PPP3CC: variants seen among roughly 807,000 people sequenced by gnomAD.
The protein encoded by PPP3CC is serine/threonine-protein phosphatase 2B catalytic subunit gamma isoform.
A neutral mutation model predicts 60.3 loss-of-function variants in PPP3CC; 35 were observed. The observed-to-expected ratio is 0.58, with a 90% CI of 0.44 to 0.77. PPP3CC has a LOEUF of 0.77. PPP3CC is among the 30% of genes least tolerant of loss of function. The pLI is 0.00. For synonymous variants in PPP3CC, 206 were observed against 224.3 expected (o/e 0.92, Z 0.73); for missense variants, 570 against 628.9 (o/e 0.91, Z 1.00).
intron 1 of PPP3CC, among the ~76,000 whole-genome samples, chr8:22,459,522 T>G (rs1837305840): frequency 6.6e-6 from 1 of 152,074 alleles, no homozygotes; most frequent in Non-Finnish European, 1.5e-5. Context: ...TTGTGTAAAA[T>G]ACTTTCATTT....
intron 1 of PPP3CC, among the ~76,000 whole-genome samples, chr8:22,456,121 CTATT>C (rs1181877280): frequency 1.3e-5 from 2 of 152,162 alleles, no homozygotes; most frequent in Non-Finnish European, 2.9e-5. Flanking sequence ...ACAGACATAG[CTATT>C]TAGGCAAATC....
At chr8:22,512,793 C>G (rs1839125088) in intron 5 of PPP3CC, among the ~76,000 whole-genome samples, 1 of 152,098 alleles carries the variant, frequency 6.6e-6, no homozygotes, top group Non-Finnish European at 1.5e-5. Flanking sequence ...AAATTTATTG[C>G]AGACCGGGCG....
intron 13 of PPP3CC, among the ~76,000 whole-genome samples, chr8:22,539,884 G>A (rs888729344): frequency 2.0e-5 from 3 of 152,230 alleles, no homozygotes; most frequent in Non-Finnish European, 4.4e-5. Context: ...TTCAAGAGCA[G>A]AGGCAGAAGT....
chr8:22,536,772 G>T (rs1839852997), intron 12 of PPP3CC, among the ~76,000 whole-genome samples: 1 of 152,144 alleles, frequency 6.6e-6, no homozygotes, highest in Non-Finnish European at 1.5e-5. Flanking sequence ...AACTAAAAAA[G>T]ACCTTTTATT....
intron 1 of PPP3CC, among the ~76,000 whole-genome samples, chr8:22,461,308 C>T (rs1006601988): frequency 1.3e-5 from 2 of 152,042 alleles, no homozygotes; most frequent in African/African-American, 4.8e-5. Flanking sequence ...CTAATTACCA[C>T]CCCTAACTGC....
chr8:22,461,913 A>C (rs1281729242), intron 1 of PPP3CC, among the ~76,000 whole-genome samples: 1 of 152,184 alleles, frequency 6.6e-6, no homozygotes, highest in Non-Finnish European at 1.5e-5. Flanking sequence ...TGGTACTAGA[A>C]CATACGGGTA....
chr8:22,507,590 G>C (rs934815218), intron 4 of PPP3CC, among the ~76,000 whole-genome samples: 17 of 152,172 alleles, frequency 1.1e-4, no homozygotes, highest in African/African-American at 4.1e-4. Flanking sequence ...GTTTTTAAAT[G>C]AAGACAGTAA....
intron 6 of PPP3CC, among the ~76,000 whole-genome samples, chr8:22,514,248 C>CAA (rs66505760): frequency 2.1e-3 from 191 of 89,304 alleles, no homozygotes; most frequent in African/African-American, 7.2e-3. Flanking sequence ...ACTCTGTCTC[C>CAA]AAAAAAAAAA....
At chr8:22,519,231 T>C (rs997928740) in intron 6 of PPP3CC, among the ~76,000 whole-genome samples, 1 of 152,242 alleles carries the variant, frequency 6.6e-6, no homozygotes, top group Admixed American at 6.5e-5. Flanking sequence ...TTGCATGGAA[T>C]ACCTTTCTCT....
chr8:22,450,064 T>C (rs1486996266), intron 1 of PPP3CC, among the ~76,000 whole-genome samples: 1 of 151,666 alleles, frequency 6.6e-6, no homozygotes, highest in Non-Finnish European at 1.5e-5. Context: ...AGAGAAGGGG[T>C]TTCACCATGT....
Position 22,532,236 on chromosome 8 carries a change from G to A in PPP3CC, c.1153G>A (p.Val385Ile), listed in dbSNP as rs142649874. The change falls in exon 11 of 14, where the codon GTT becomes ATT. Residue 385 changes from valine (V) to isoleucine (I), a missense_variant. By Grantham distance (29) the Val-to-Ile change is conservative (BLOSUM62 3). Transcript: ENST00000240139. Reference protein sequence around the residue: ...SDDEAEGSTTVRKEIIRNKIR... With the variant: ...SDDEAEGSTTIRKEIIRNKIR... ...TTGTATTCTCTAAGGAAGCACTACA[G>A]TTCGTAAGGAGATCATCAGGAATAA... The A allele has an allele frequency of 8.3e-4, 1,338 of 1,611,686 alleles. 10 individuals carry two copies. In the African/African-American group the frequency reaches 0.015, roughly 19 times the overall value.
intron 1 of PPP3CC, among the ~76,000 whole-genome samples, chr8:22,448,313 A>G (rs1385692227): frequency 1.3e-5 from 2 of 152,122 alleles, no homozygotes; most frequent in African/African-American, 4.8e-5. Context: ...ACCATAGAGG[A>G]CATTTTGGGG....
chr8:22,526,436 C>G (rs1434004241), intron 8 of PPP3CC, among the ~76,000 whole-genome samples: 1 of 152,108 alleles, frequency 6.6e-6, no homozygotes, highest in East Asian at 1.9e-4. Flanking sequence ...GGAACATGTA[C>G]ATCATAGCCA....
At chr8:22,473,711 A>C (rs937483898) in intron 1 of PPP3CC, among the ~76,000 whole-genome samples, 3 of 151,764 alleles carry the variant, frequency 2.0e-5, no homozygotes, top group Non-Finnish European at 4.4e-5. Context: ...TGATCCACCT[A>C]CCTTGGCCTC....
chr8:22,449,174 C>T (rs1365532537), intron 1 of PPP3CC, among the ~76,000 whole-genome samples: 5 of 152,154 alleles, frequency 3.3e-5, no homozygotes, highest in Admixed American at 1.3e-4. Flanking sequence ...CTTGGCTGGG[C>T]GCAGTGGCTC....
intron 4 of PPP3CC, among the ~76,000 whole-genome samples, chr8:22,502,307 C>A (rs1838784615): frequency 6.6e-6 from 1 of 152,038 alleles, no homozygotes; most frequent in Non-Finnish European, 1.5e-5. Flanking sequence ...ACAACAACAA[C>A]AAAAAGGTAA....
At chr8:22,477,326 A>T (rs141231890) in intron 3 of PPP3CC, among the ~76,000 whole-genome samples, 1 of 151,994 alleles carries the variant, frequency 6.6e-6, no homozygotes, top group East Asian at 1.9e-4. Context: ...AAAATACGAA[A>T]GTTTACCAGG....
At chr8:22,467,676 C>G (rs1837586389) in intron 1 of PPP3CC, among the ~76,000 whole-genome samples, 1 of 152,162 alleles carries the variant, frequency 6.6e-6, no homozygotes, top group Non-Finnish European at 1.5e-5. Context: ...ATCCACCTGC[C>G]TCCGCCTCCC....
At chr8:22,496,441 T>A (rs1838582440) in intron 3 of PPP3CC, among the ~76,000 whole-genome samples, 1 of 151,110 alleles carries the variant, frequency 6.6e-6, no homozygotes, top group Admixed American at 6.7e-5. Context: ...TGTATTTTTC[T>A]TGGAATTTCA....
Sources: allele counts gnomAD v4.1 joint callset (sites outside exome capture counted in the v4.1 genomes callset), GRCh38; gene constraint gnomAD v4.1.1; transcripts MANE v1.5; gene names NCBI Gene and HGNC (gene_info 2026-07-23, HGNC 2026-07-21).